Variants in ACAP1 observed in about 807,000 individuals in gnomAD.
ACAP1 encodes arf-GAP with coiled-coil, ANK repeat and PH domain-containing protein 1.
ACAP1 carries 45 observed loss-of-function variants against 98.8 expected under a neutral mutation model. The observed-to-expected ratio is 0.46, with a 90% CI of 0.36 to 0.58. The LOEUF (loss-of-function observed/expected upper bound fraction) is 0.58, where lower values mean the gene tolerates loss of function less well. Ranked by LOEUF, ACAP1 falls within the 20% of genes least tolerant of loss-of-function variation. The pLI, the probability that ACAP1 is intolerant of heterozygous loss-of-function variation, is 0.00. For missense variants in ACAP1, 735 were observed against 971.4 expected (o/e 0.76, Z 3.24); for synonymous variants, 362 against 375.3 (o/e 0.96, Z 0.41).
chr17:7,342,675 G>A (rs922001754), intron 5 of ACAP1: 8 of 631,250 alleles, frequency 1.3e-5, no homozygotes, highest in South Asian at 1.9e-5. Flanking sequence ...CAAGGCGGGC[G>A]GATCACCTGA....
chr17:7,349,214 C>G, intron 18 of ACAP1, 47 bp downstream of exon 18: 1 of 1,599,998 alleles, frequency 6.3e-7, no homozygotes, highest in Non-Finnish European at 8.5e-7. Context: ...GCTCTGACAC[C>G]TACTCCTGAC....
intron 1 of ACAP1, 141 bp downstream of exon 1, chr17:7,336,928 C>T (rs1027779099): frequency 3.5e-6 from 3 of 861,762 alleles, no homozygotes; most frequent in Non-Finnish European, 3.8e-6. Flanking sequence ...AAAGTGGTAC[C>T]CCAGCTGTGA....
rs763463010 is a variant in ACAP1 at position 7,343,419 on chromosome 17, C to CG, written c.391dup (p.Ala131GlyfsTer2). ...CCGAGAGGCTCGCCGGGATTTCTGG[C>CG]GGGGGGCTGAGAGCCTGGAGGCTGC... On this transcript the variant is annotated frameshift_variant, in exon 6 of 22. Transcript: ENST00000158762. LOFTEE classifies it high-confidence loss of function. This position sits in a 1 kb window ranked among gnomAD's most constrained non-coding sequence, Gnocchi z 4.9. 6 of 1,613,588 alleles carry CG rather than the reference C, an allele frequency of 3.7e-6. No homozygotes were observed. Among genetic ancestry groups the CG allele is most frequent in the Non-Finnish European group, 5.1e-6 (6 of 1,179,888 alleles).
rs757393836 is a variant in ACAP1 at position 7,349,919 on chromosome 17, C to T, written c.1852-26C>T. ...CCACCACTAGGGATGCCACCCTCAA[C>T]CCCCCTTCTCGACTTCTCCATGCAG... On this transcript the variant is annotated intron_variant, in intron 18 of 21. Coordinates refer to ENST00000158762, the MANE Select transcript of ACAP1 (RefSeq NM_014716.4). 32 of 1,561,134 alleles carry T rather than the reference C, an allele frequency of 2.0e-5. 1 individual carries two copies. Among genetic ancestry groups the T allele is most frequent in the Middle Eastern group, 3.4e-4 (2 of 5,862 alleles).
chr17:7,338,205 T>C, intron 2 of ACAP1, among the ~76,000 whole-genome samples: 2 of 152,278 alleles, frequency 1.3e-5, no homozygotes, highest in South Asian at 4.1e-4. Flanking sequence ...GGCAACATTG[T>C]TTTATGGGCA....
In ACAP1 at chr17:7,349,174, G is replaced by A. The variant is rs772836167; in HGVS notation, c.1851+7G>A. ...GATCCAGGCCACAGCTGCTGTAAGA[G>A]CCCTGCTGACCTCTCCACCCCACCC... On this transcript the variant is annotated splice_region_variant and intron_variant, in intron 18 of 21. Coordinates refer to ENST00000158762, the MANE Select transcript of ACAP1 (RefSeq NM_014716.4). 6.2e-7 allele frequency: 1 copy of A among 1,613,736 alleles called. No homozygotes were observed. The highest frequency in any genetic ancestry group is 8.5e-7 in the Non-Finnish European group (1 of 1,179,900).
rs201528941 is a variant in ACAP1, at chr17:7,348,984, C to T, written c.1679-11C>T. 1 of 1,611,316 alleles carries T rather than the reference C, an allele frequency of 6.2e-7. No homozygotes were observed. The highest frequency in any genetic ancestry group is 8.5e-7 in the Non-Finnish European group (1 of 1,179,250). On this transcript the variant is annotated splice_polypyrimidine_tract_variant and intron_variant, in intron 17 of 21. Coordinates refer to ENST00000158762, the MANE Select transcript of ACAP1 (RefSeq NM_014716.4). Reference sequence around the variant, plus strand: ...CTGCTTCCCCCTAACAGAACCAAATCCCCCGAACAGAGCCCCCCTCTGAGG... The same window carrying T: ...CTGCTTCCCCCTAACAGAACCAAATTCCCCGAACAGAGCCCCCCTCTGAGG...
intron 2 of ACAP1, among the ~76,000 whole-genome samples, chr17:7,339,073 G>A (rs578087962): frequency 1.3e-5 from 2 of 151,528 alleles, no homozygotes; most frequent in East Asian, 4.0e-4. Flanking sequence ...GGCGGATCAC[G>A]AGGTCAGGAG....
intron 11 of ACAP1, 25 bp from the exon 12 acceptor site, chr17:7,346,366 G>A: frequency 6.2e-7 from 1 of 1,613,924 alleles, no homozygotes; most frequent in Non-Finnish European, 8.5e-7. Flanking sequence ...TGGACATCTG[G>A]CCCCTTATCA....
Position 7,342,067 on chromosome 17 carries a change from G to T in ACAP1, c.231G>T (p.Ala77=), listed in dbSNP as rs138474398. 23 of 1,613,660 alleles carry T rather than the reference G, an allele frequency of 1.4e-5. No homozygotes were observed. Among genetic ancestry groups the T allele is most frequent in the Non-Finnish European group, 1.9e-5 (23 of 1,179,928 alleles). The part of the protein sequence containing the change: ...ARLGPPEPMM[A]ECLEKFTVSL... ...TGGGTCCACCAGAGCCCATGATGGC[G>T]GTATGCGGAGGGTCTGCATCTGGGA... Residue 77 remains alanine, a splice_region_variant and synonymous_variant, in exon 3 of 22, where the codon GCG becomes GCT. Coordinates refer to ENST00000158762, the MANE Select transcript of ACAP1 (RefSeq NM_014716.4).
At position 7,344,278 on chromosome 17, in the gene ACAP1, G is replaced by T. The variant is rs901437836; in HGVS notation, c.744+155G>T. On this transcript the variant is annotated intron_variant, in intron 9 of 21. Coordinates refer to ENST00000158762, the MANE Select transcript of ACAP1 (RefSeq NM_014716.4). This position sits in a 1 kb window ranked among gnomAD's most constrained non-coding sequence, Gnocchi z 4.9. ...AATTTTAAAATTAGCTGGTGTGGTG[G>T]CATGCACCTCTAGTTCTAGCTACTC... 7.9e-5 allele frequency among the ~76,000 whole-genome samples: 12 copies of T among 152,146 alleles called. No individual in the cohort carries two copies. The highest frequency in any genetic ancestry group is 2.4e-4 in the African/African-American group (10 of 41,430).
chr17:7,338,565 CAAATAATAATTTTAA>C (rs951235403), intron 2 of ACAP1, among the ~76,000 whole-genome samples: 7 of 151,686 alleles, frequency 4.6e-5, no homozygotes, highest in African/African-American at 1.5e-4. Context: ...ACCCGGCCTA[CAAATAATAATTTTAA>C]ACAATGGACT....
chr17:7,337,514 A>C, intron 2 of ACAP1, 145 bp downstream of exon 2: 1 of 742,616 alleles, frequency 1.3e-6, no homozygotes, highest in Non-Finnish European at 2.3e-6. Context: ...GAGAAGCAAA[A>C]AAGGTGGTTC....
intron 10 of ACAP1, chr17:7,345,573 C>G (rs1188954460): frequency 6.6e-6 from 1 of 152,280 alleles, no homozygotes; most frequent in Non-Finnish European, 1.5e-5. Flanking sequence ...ATCCACCCGC[C>G]TCGGCCTCCC....
Position 7,344,448 on chromosome 17 carries a change from AGTAAGG to A in ACAP1, c.745-89_745-84del. On this transcript the variant is annotated intron_variant, in intron 9 of 21. Transcript: ENST00000158762. This position sits in a 1 kb window ranked among gnomAD's most constrained non-coding sequence, Gnocchi z 4.9. ...TTAAAAAGTATTTCAAAAAGCAGAA[AGTAAGG>A]GCTAGGGCTGTGGGCAGGAGGCAGA... The A allele has an allele frequency of 1.1e-6, 1 of 919,396 alleles. No individual in the cohort carries two copies. The highest frequency in any genetic ancestry group is 1.7e-6 in the Non-Finnish European group (1 of 601,312). 57.0% of individuals were successfully genotyped at this position (919,396 alleles called of 1,614,324 possible).
In ACAP1 at chr17:7,346,950, G is replaced by A; in HGVS notation, c.1131+19G>A. 1 of 1,600,986 alleles carries A rather than the reference G, an allele frequency of 6.2e-7. No individual in the cohort carries two copies. Among genetic ancestry groups the A allele is most frequent in the Admixed American group, 1.7e-5 (1 of 59,062 alleles). On this transcript the variant is annotated intron_variant, in intron 13 of 21. Transcript: ENST00000158762. ...AGGCCAGGTACCTTAACCTGGGGGT[G>A]CGGAGCCAGGCTGCCTGTGGAGATG...
chr17:7,342,058 C>T lies in ACAP1; in HGVS notation c.222C>T (p.Pro74=). The change falls in exon 3 of 22, where the codon CCC becomes CCT. Residue 74 remains proline, a synonymous_variant. Transcript: ENST00000158762. ...CDLARLGPPE[P]MMAECLEKFT... ...TGGCCCGCCTGGGTCCACCAGAGCCCATGATGGCGGTATGCGGAGGGTCTG... is the reference window on the plus strand; with the variant it reads ...TGGCCCGCCTGGGTCCACCAGAGCCTATGATGGCGGTATGCGGAGGGTCTG... The T allele has an allele frequency of 6.2e-7, 1 of 1,613,978 alleles. No individual in the cohort carries two copies. Among genetic ancestry groups the T allele is most frequent in the East Asian group, 2.2e-5 (1 of 44,882 alleles).
Position 7,343,282 on chromosome 17 carries a change from G to A in ACAP1, c.345-97G>A. 7.5e-7 allele frequency: 1 copy of A among 1,325,652 alleles called. No individual in the cohort carries two copies. The highest frequency in any genetic ancestry group is 1.0e-6 in the Non-Finnish European group (1 of 962,794). 82.1% of individuals were successfully genotyped at this position (1,325,652 alleles called of 1,614,324 possible). ...ATCACCTTGGGTTTCCCACGTTGCA[G>A]AGACTAACTGAAAGGACATGAGGGC... is the stretch of plus-strand genomic sequence containing the variant. On this transcript the variant is annotated intron_variant, in intron 5 of 21. Transcript: ENST00000158762. This position sits in a 1 kb window ranked among gnomAD's most constrained non-coding sequence, Gnocchi z 4.9.
intron 2 of ACAP1, among the ~76,000 whole-genome samples, chr17:7,341,690 G>A (rs559325599): frequency 3.3e-5 from 5 of 152,358 alleles, no homozygotes; most frequent in South Asian, 2.1e-4. Flanking sequence ...GCTGACAGAG[G>A]TGTTGGCGAC....
Sources: gnomAD v4.1 joint callset for allele counts (sites outside exome capture counted in the v4.1 genomes callset) on GRCh38, gnomAD v4.1.1 for gene constraint, Gnocchi (gnomAD v3.1) non-coding constraint, MANE v1.5 for transcripts, NCBI Gene and HGNC (gene_info 2026-07-23, HGNC 2026-07-21) for gene names.